The following KCNJ6 variants were observed in gnomAD, a reference collection of about 807,000 sequenced individuals.
KCNJ6 encodes the protein G protein-activated inward rectifier potassium channel 2.
In KCNJ6, 9 loss-of-function variants were observed where a neutral mutation model predicts 34.2. The observed-to-expected ratio is 0.26, with a 90% CI of 0.16 to 0.46. The LOEUF is 0.46. KCNJ6 is among the 20% of genes least tolerant of loss of function. The pLI is 1.00. For missense variants in KCNJ6, 236 were observed against 531.3 expected (o/e 0.44, Z 5.46); for synonymous variants, 196 against 207.1 (o/e 0.95, Z 0.46).
intron 3 of KCNJ6, among the ~76,000 whole-genome samples, chr21:37,713,133 C>G (rs1430382473): frequency 1.3e-5 from 2 of 152,110 alleles, no homozygotes; most frequent in African/African-American, 4.8e-5. Flanking sequence ...GAGGTAGAAA[C>G]ATGGGACCCA....
At position 37,683,457 on chromosome 21, in the gene KCNJ6, C is replaced by T. The variant is rs369538548; in HGVS notation, c.946+30754G>A. Among the ~76,000 whole-genome samples the T allele has an allele frequency of 1.2e-4, 18 of 152,292 alleles. No homozygotes were observed. The East Asian group carries it at 2.7e-3, about 23-fold the overall frequency. ...TCATCTTGTTCCTCCCTTCTCCCCTCCTCCTCCTCTGTCTTCTCTACCCTC... is the reference window on the plus strand; with the variant it reads ...TCATCTTGTTCCTCCCTTCTCCCCTTCTCCTCCTCTGTCTTCTCTACCCTC... On this transcript the variant is annotated intron_variant, in intron 3 of 3. Transcript: ENST00000609713.
intron 3 of KCNJ6, among the ~76,000 whole-genome samples, chr21:37,674,643 A>AGTATTAG: frequency 7.2e-6 from 1 of 139,858 alleles, no homozygotes; most frequent in Admixed American, 7.4e-5. Context: ...ACCTCCTCTC[A>AGTATTAG]CCCAGGATGG....
chr21:37,823,587 A>G (rs906364460), intron 2 of KCNJ6, among the ~76,000 whole-genome samples: 11 of 152,192 alleles, frequency 7.2e-5, no homozygotes, highest in African/African-American at 2.4e-4. Flanking sequence ...AGTGTTTGAC[A>G]TTTCCTCCTA....
chr21:37,699,775 C>T lies in KCNJ6; in HGVS notation c.946+14436G>A, dbSNP rs146387010. ...GGGACAAGTTTGCTTTTTGGATGTCCGCTTTAAACTCTCTGTATTTATGTC... is the reference window on the plus strand; with the variant it reads ...GGGACAAGTTTGCTTTTTGGATGTCTGCTTTAAACTCTCTGTATTTATGTC... On this transcript the variant is annotated intron_variant, in intron 3 of 3. Transcript: ENST00000609713. 1.3e-3 allele frequency among the ~76,000 whole-genome samples: 196 copies of T among 152,242 alleles called. 1 individual carries two copies. Among genetic ancestry groups the T allele is most frequent in the African/African-American group, 4.3e-3 (178 of 41,532 alleles).
intron 2 of KCNJ6, among the ~76,000 whole-genome samples, chr21:37,780,077 T>A (rs2055161922): frequency 6.6e-6 from 1 of 152,144 alleles, no homozygotes; most frequent in Non-Finnish European, 1.5e-5. Context: ...GGATAAGAAT[T>A]ATTACCTTGA....
At chr21:37,853,846 G>GTGTATATATATATATAGAGATACA (rs71198897) in intron 1 of KCNJ6, among the ~76,000 whole-genome samples, 1 of 115,992 alleles carries the variant, frequency 8.6e-6, no homozygotes, top group South Asian at 2.6e-4. Flanking sequence ...ATATATATAT[G>GTGTATATATATATATAGAGATACA]TATATATATA....
chr21:37,716,208 A>G (rs1169628265), intron 2 of KCNJ6, among the ~76,000 whole-genome samples: 2 of 152,172 alleles, frequency 1.3e-5, no homozygotes, highest in Admixed American at 6.5e-5. Flanking sequence ...GTCGGTAAGT[A>G]TGCATGCATT....
chr21:37,730,455 G>T (rs767857346), intron 2 of KCNJ6, among the ~76,000 whole-genome samples: 1 of 152,180 alleles, frequency 6.6e-6, no homozygotes, highest in Non-Finnish European at 1.5e-5. Flanking sequence ...CTACCTTGAA[G>T]AGTTACTGTG....
At chr21:37,701,033 T>G (rs2054688359) in intron 3 of KCNJ6, among the ~76,000 whole-genome samples, 1 of 152,144 alleles carries the variant, frequency 6.6e-6, no homozygotes, top group Non-Finnish European at 1.5e-5. Context: ...GAAGCAAATC[T>G]GACTTTAGGA....
intron 2 of KCNJ6, among the ~76,000 whole-genome samples, chr21:37,719,931 TG>T (rs2123457317): frequency 6.6e-6 from 1 of 152,314 alleles, no homozygotes. Context: ...ATATGAATTT[TG>T]CAGGTGAAAC....
chr21:37,653,295 A>G (rs55752014), intron 3 of KCNJ6, among the ~76,000 whole-genome samples: 21,990 of 152,184 alleles, frequency 0.14, 2,435 homozygotes, highest in African/African-American at 0.3. Context: ...GAGTAAAATC[A>G]GTGGGTCAGT....
chr21:37,738,013 T>C (rs571609847), intron 2 of KCNJ6, among the ~76,000 whole-genome samples: 5 of 152,244 alleles, frequency 3.3e-5, no homozygotes, highest in East Asian at 1.9e-4. Context: ...GGTGGAATGA[T>C]GGGTTTCAGG....
intron 1 of KCNJ6, among the ~76,000 whole-genome samples, chr21:37,843,897 C>T (rs575920561): frequency 6.6e-6 from 1 of 152,272 alleles, no homozygotes; most frequent in African/African-American, 2.4e-5. Flanking sequence ...GTTGAAGTTT[C>T]CTAGATTTGC....
intron 3 of KCNJ6, among the ~76,000 whole-genome samples, chr21:37,666,498 A>G (rs1282447214): frequency 6.6e-6 from 1 of 152,180 alleles, no homozygotes; most frequent in Non-Finnish European, 1.5e-5. Context: ...TGGGGATACA[A>G]TGCTAGTACA....
intron 3 of KCNJ6, among the ~76,000 whole-genome samples, chr21:37,712,940 C>T (rs555514755): frequency 1.1e-3 from 160 of 152,030 alleles, no homozygotes; most frequent in Admixed American, 2.1e-3. Context: ...AGCTACTTTC[C>T]GATTAGGTTC....
At chr21:37,740,890 G>T (rs886683485) in intron 2 of KCNJ6, among the ~76,000 whole-genome samples, 1 of 152,192 alleles carries the variant, frequency 6.6e-6, no homozygotes, top group Non-Finnish European at 1.5e-5. Flanking sequence ...AAACACTCCA[G>T]CTTTTGCCTT....
intron 2 of KCNJ6, among the ~76,000 whole-genome samples, chr21:37,727,543 C>A (rs929600030): frequency 1.3e-5 from 2 of 151,924 alleles, no homozygotes; most frequent in African/African-American, 4.8e-5. Flanking sequence ...GTTTTGAATA[C>A]TTTTACATGT....
At position 37,815,377 on chromosome 21, in the gene KCNJ6, C is replaced by T. The variant is rs182520746; in HGVS notation, c.25+25281G>A. 4.6e-5 allele frequency among the ~76,000 whole-genome samples: 7 copies of T among 152,216 alleles called. No individual in the cohort carries two copies. The East Asian group carries it at 9.7e-4, about 21-fold the overall frequency. ...GCCTGTGTCAAAACATCTCATGTGC[C>T]TCATAAATACATATACCCACTATGT... On this transcript the variant is annotated intron_variant, in intron 2 of 3. Transcript: ENST00000609713.
intron 1 of KCNJ6, among the ~76,000 whole-genome samples, chr21:37,859,487 TTATA>T (rs55859652): frequency 0.02 from 1,710 of 83,934 alleles, 32 homozygotes; most frequent in South Asian, 0.036. Flanking sequence ...TTATATTACT[TTATA>T]TATATATATA....
Sources: allele counts gnomAD v4.1 joint callset (sites outside exome capture counted in the v4.1 genomes callset), GRCh38; gene constraint gnomAD v4.1.1; transcripts MANE v1.5; gene names NCBI Gene and HGNC (gene_info 2026-07-23, HGNC 2026-07-21).